The following PCDH15 variants were observed in gnomAD, a reference collection of about 807,000 sequenced individuals.
PCDH15 encodes protocadherin-15.
PCDH15 carries 129 observed loss-of-function variants against 178.5 expected under a neutral mutation model. The ratio of observed to expected loss-of-function variants is 0.72; its 90% CI spans 0.63 to 0.84. The LOEUF (loss-of-function observed/expected upper bound fraction) is 0.84. PCDH15 is among the 40% of genes least tolerant of loss of function. The pLI is 0.00. For synonymous variants in PCDH15, 800 were observed against 732.0 expected, an observed-to-expected ratio of 1.09 and a Z score of -1.50; for missense variants, 2,230 against 2,099.9, an observed-to-expected ratio of 1.06 and a Z score of -1.21.
At chr10:53,919,306 CT>C (rs1230927592) in intron 25 of PCDH15, among the ~76,000 whole-genome samples, 1 of 152,112 alleles carries the variant, frequency 6.6e-6, no homozygotes, top group Non-Finnish European at 1.5e-5. Flanking sequence ...GAAGGATCTA[CT>C]ACATTTAAAA....
In PCDH15 at chr10:55,342,756, G is replaced by A. The variant is rs192101706; in HGVS notation, c.-155-176105C>T. 2.7e-4 allele frequency among the ~76,000 whole-genome samples: 41 copies of A among 152,216 alleles called. No homozygotes were observed. The South Asian group carries it at 5.0e-3, about 18-fold the overall frequency. On this transcript the variant is annotated intron_variant, in intron 2 of 5. Coordinates refer to the PCDH15 transcript ENST00000613346. ...AGTGTCTCACAGACTCTTCTTTAAG[G>A]GAGATGAAAAGTACCTCTGAGAAGA...
chr10:53,864,512 C>A (rs1293227612), intron 27 of PCDH15, among the ~76,000 whole-genome samples: 1 of 152,148 alleles, frequency 6.6e-6, no homozygotes, highest in African/African-American at 2.4e-5. Context: ...GGGCATCAAT[C>A]CACTCAGGCC....
intron 2 of PCDH15, among the ~76,000 whole-genome samples, chr10:54,926,684 G>T (rs955155305): frequency 6.6e-6 from 1 of 151,736 alleles, no homozygotes; most frequent in Non-Finnish European, 1.5e-5. Flanking sequence ...GTCTTGCGAG[G>T]GTATATGTGT....
intron 2 of PCDH15, among the ~76,000 whole-genome samples, chr10:54,965,797 T>A (rs1009622431): frequency 2.0e-5 from 3 of 150,986 alleles, no homozygotes; most frequent in Admixed American, 6.6e-5. Context: ...CTAATTAATA[T>A]GAAAACACAT....
intron 3 of PCDH15, among the ~76,000 whole-genome samples, chr10:54,499,536 C>T (rs182970604): frequency 3.3e-5 from 5 of 152,084 alleles, no homozygotes; most frequent in African/African-American, 1.2e-4. Context: ...AACCATAAAA[C>T]TATATGGAAA....
At chr10:55,161,432 T>A (rs1839063263) in intron 2 of PCDH15, among the ~76,000 whole-genome samples, 1 of 152,060 alleles carries the variant, frequency 6.6e-6, no homozygotes, top group Non-Finnish European at 1.5e-5. Flanking sequence ...GTGGGCTGAT[T>A]TGATAAAGTT....
chr10:54,661,294 A>G (rs1565881495), intron 2 of PCDH15, among the ~76,000 whole-genome samples: 1 of 152,038 alleles, frequency 6.6e-6, no homozygotes. Context: ...TTTCATTTAT[A>G]ATAGACACAA....
At chr10:55,188,006 T>C (rs1016050431) in intron 1 of PCDH15, among the ~76,000 whole-genome samples, 2 of 151,782 alleles carry the variant, frequency 1.3e-5, no homozygotes, top group African/African-American at 4.8e-5. Context: ...AGGCAGTAGG[T>C]GGGAATGGCT....
intron 33 of PCDH15, 126 bp from the exon 34 acceptor site, chr10:53,818,139 A>ACTAT (rs2076131274): frequency 5.1e-6 from 2 of 391,190 alleles, no homozygotes; most frequent in Admixed American, 4.4e-5. Context: ...TCTACTAAAC[A>ACTAT]CTATCTCAGT....
chr10:53,925,260 A>G (rs907418743), intron 25 of PCDH15, among the ~76,000 whole-genome samples: 1 of 152,008 alleles, frequency 6.6e-6, no homozygotes, highest in Non-Finnish European at 1.5e-5. Flanking sequence ...GAGACCACGA[A>G]CCCACTGGGT....
At chr10:54,144,936 A>G (rs2043764446) in intron 14 of PCDH15, among the ~76,000 whole-genome samples, 1 of 152,276 alleles carries the variant, frequency 6.6e-6, no homozygotes, top group Non-Finnish European at 1.5e-5. Context: ...AATATGTAAA[A>G]TAAACTGGAG....
chr10:53,806,675 C>T lies in PCDH15; in HGVS notation c.5127G>A (p.Glu1709=). Residue 1709 remains glutamate (E), a synonymous_variant, in exon 38 of 38, where the codon GAG becomes GAA. Coordinates refer to ENST00000644397, the MANE Select transcript of PCDH15 (RefSeq NM_001384140.1). The stretch of plus-strand genomic sequence containing the variant: ...TGTGGTCACTATGAAATTCCAAAGC[C>T]TCCTTGATGTTCTTACTGTCAATCA... ...ESMIDSKNIK[E]ALEFHSDHTQ... The T allele has an allele frequency of 1.9e-6, 3 of 1,613,832 alleles. No homozygotes were observed. The highest frequency in any genetic ancestry group is 2.2e-5 in the East Asian group (1 of 44,876).
intron 1 of PCDH15, among the ~76,000 whole-genome samples, chr10:54,752,886 GTCT>G (rs1946541933): frequency 6.6e-6 from 1 of 151,944 alleles, no homozygotes; most frequent in Admixed American, 6.5e-5. Flanking sequence ...AATTCAGACA[GTCT>G]TATAGAAATA....
chr10:55,097,311 C>T (rs1053575568), intron 2 of PCDH15, among the ~76,000 whole-genome samples: 6 of 151,918 alleles, frequency 3.9e-5, no homozygotes, highest in Non-Finnish European at 7.4e-5. Context: ...CTAATCATGC[C>T]TGATGATAAA....
chr10:54,386,628 G>A lies in PCDH15; in HGVS notation c.158-7686C>T, dbSNP rs1949965604. 2.0e-5 allele frequency among the ~76,000 whole-genome samples: 3 copies of A among 152,054 alleles called. No homozygotes were observed. In the South Asian group the frequency reaches 6.2e-4, roughly 31 times the overall value. On this transcript the variant is annotated intron_variant, in intron 3 of 37. Transcript: ENST00000644397. ...TTCTGAAATCCAACGAAAAACAAATGATCTGATTGAAAAGTGTGTAAAGAA... is the reference window on the plus strand; with the variant it reads ...TTCTGAAATCCAACGAAAAACAAATAATCTGATTGAAAAGTGTGTAAAGAA...
At chr10:55,559,665 T>C (rs9971159) in intron 2 of PCDH15, among the ~76,000 whole-genome samples, 51,070 of 151,324 alleles carry the variant, frequency 0.34, 8,894 homozygotes, top group East Asian at 0.49. Flanking sequence ...TAATTCTCAC[T>C]AGAAAAAAAA....
At chr10:55,562,160 A>G (rs534585267) in intron 2 of PCDH15, among the ~76,000 whole-genome samples, 1 of 152,058 alleles carries the variant, frequency 6.6e-6, no homozygotes, top group South Asian at 2.1e-4. Context: ...TTAAGGGCTT[A>G]CTGTTCCAAG....
chr10:54,568,122 CT>C (rs1296983784), intron 2 of PCDH15, among the ~76,000 whole-genome samples: 5 of 151,972 alleles, frequency 3.3e-5, no homozygotes, highest in African/African-American at 9.6e-5. Context: ...AAACGTAGCT[CT>C]TTTTTTTCCC....
At chr10:54,099,119 C>T (rs1240529657) in intron 15 of PCDH15, among the ~76,000 whole-genome samples, 1 of 152,042 alleles carries the variant, frequency 6.6e-6, no homozygotes, top group African/African-American at 2.4e-5. Flanking sequence ...ATAAAGTTAT[C>T]CGGACACAGG....
Sources: allele counts gnomAD v4.1 joint callset (sites outside exome capture counted in the v4.1 genomes callset), GRCh38; gene constraint gnomAD v4.1.1; transcripts MANE v1.5; gene names NCBI Gene and HGNC (gene_info 2026-07-23, HGNC 2026-07-21).